The following CELF4 variants were observed in gnomAD, a reference collection of about 807,000 sequenced individuals.
CELF4 encodes the protein CUGBP Elav-like family member 4.
CELF4 carries 18 observed loss-of-function variants against 59.9 expected under a neutral mutation model. The ratio of observed to expected loss-of-function variants is 0.30; its 90% CI spans 0.21 to 0.45. CELF4 has a LOEUF of 0.45. CELF4 is among the 20% of genes least tolerant of loss of function. The pLI, the probability that CELF4 is intolerant of heterozygous loss-of-function variation, is 1.00. For missense variants in CELF4, 456 were observed against 689.0 expected (o/e 0.66, Z 3.79); for synonymous variants, 261 against 267.1 (o/e 0.98, Z 0.22).
intron 2 of CELF4, among the ~76,000 whole-genome samples, chr18:37,471,694 T>C (rs2099832575): frequency 6.6e-6 from 1 of 152,132 alleles, no homozygotes. Flanking sequence ...GGCATGTACA[T>C]CTTCTCTCCT....
chr18:37,430,194 G>A (rs1180762416), intron 2 of CELF4, among the ~76,000 whole-genome samples: 3 of 152,144 alleles, frequency 2.0e-5, no homozygotes, highest in Non-Finnish European at 4.4e-5. Context: ...CTCCTGCCCA[G>A]TCCCATGCCT....
intron 1 of CELF4, among the ~76,000 whole-genome samples, chr18:37,506,610 C>G (rs2099938336): frequency 6.6e-6 from 1 of 152,170 alleles, no homozygotes; most frequent in South Asian, 2.1e-4. Flanking sequence ...GGTGTCCTCT[C>G]TGAACTTGAG....
chr18:37,346,280 T>G (rs1427390108), intron 2 of CELF4, among the ~76,000 whole-genome samples: 4 of 152,116 alleles, frequency 2.6e-5, no homozygotes, highest in Non-Finnish European at 2.9e-5. Flanking sequence ...TGCATATCCC[T>G]TGGGAGGGGA....
At chr18:37,412,985 G>GA (rs2099487368) in intron 2 of CELF4, among the ~76,000 whole-genome samples, 1 of 152,100 alleles carries the variant, frequency 6.6e-6, no homozygotes, top group Non-Finnish European at 1.5e-5. Context: ...AGGCTGCGGG[G>GA]GCTGGGCAGA....
At chr18:37,263,102 G>A (rs1468468255) in intron 10 of CELF4, among the ~76,000 whole-genome samples, 1 of 152,120 alleles carries the variant, frequency 6.6e-6, no homozygotes, top group Non-Finnish European at 1.5e-5. Flanking sequence ...GAGTTTGGGG[G>A]CAGACTCAGC....
intron 2 of CELF4, among the ~76,000 whole-genome samples, chr18:37,380,786 T>C (rs1022244557): frequency 3.5e-5 from 5 of 141,044 alleles, no homozygotes; most frequent in African/African-American, 1.4e-4. Context: ...TATCCATTTC[T>C]CCATGAATCC....
intron 3 of CELF4, among the ~76,000 whole-genome samples, chr18:37,316,662 C>T (rs1050706754): frequency 1.3e-5 from 2 of 152,080 alleles, no homozygotes; most frequent in African/African-American, 4.8e-5. Flanking sequence ...CTAATTCCCA[C>T]CTCCTCCAGG....
intron 2 of CELF4, among the ~76,000 whole-genome samples, chr18:37,362,482 G>C (rs1174320976): frequency 1.3e-5 from 2 of 152,144 alleles, no homozygotes; most frequent in African/African-American, 4.8e-5. Context: ...AAAGCGGGAC[G>C]AGGACAGGGT....
At chr18:37,407,296 G>A (rs2099395962) in intron 2 of CELF4, among the ~76,000 whole-genome samples, 2 of 152,172 alleles carry the variant, frequency 1.3e-5, no homozygotes, top group African/African-American at 4.8e-5. Context: ...ATTTACTCCA[G>A]TTCCTGCCAA....
chr18:37,331,029 G>A (rs1365955631), intron 2 of CELF4, among the ~76,000 whole-genome samples: 1 of 152,102 alleles, frequency 6.6e-6, no homozygotes. Context: ...AATAAATTTG[G>A]TCTCTGCTCC....
rs545207218 is a variant in CELF4 at position 37,413,179 on chromosome 18, T to C, written c.369+72346A>G. Among the ~76,000 whole-genome samples, 5 of 152,344 alleles carry C rather than the reference T, an allele frequency of 3.3e-5. No individual in the cohort carries two copies. The South Asian group carries it at 1.0e-3, about 32-fold the overall frequency. On this transcript the variant is annotated intron_variant, in intron 2 of 12. Transcript: ENST00000420428. ...CTGGGAGCCAGCGATGTCTACATTT[T>C]TAATAACTTACTCAGAATGAAGGCT...
At chr18:37,363,190 G>A (rs1019234687) in intron 2 of CELF4, among the ~76,000 whole-genome samples, 1 of 152,260 alleles carries the variant, frequency 6.6e-6, no homozygotes, top group African/African-American at 2.4e-5. Context: ...GGGAGGGGAC[G>A]AGGGTGGGGG....
chr18:37,263,523 G>T (rs987484407), intron 10 of CELF4, among the ~76,000 whole-genome samples: 1 of 152,066 alleles, frequency 6.6e-6, no homozygotes, highest in Non-Finnish European at 1.5e-5. Context: ...GGGTAGAGAG[G>T]ATGGGACCTT....
At chr18:37,470,943 T>G (rs1342301504) in intron 2 of CELF4, among the ~76,000 whole-genome samples, 1 of 145,960 alleles carries the variant, frequency 6.9e-6, no homozygotes, top group African/African-American at 2.5e-5. Context: ...TCTTTACATT[T>G]ATTATAAATC....
chr18:37,561,226 G>C (rs1013573690), intron 1 of CELF4, among the ~76,000 whole-genome samples: 16 of 152,160 alleles, frequency 1.1e-4, no homozygotes, highest in African/African-American at 3.9e-4. Flanking sequence ...CCATGTAGCT[G>C]AGAAAATCTC....
chr18:37,350,400 G>A (rs1004225082), intron 2 of CELF4, among the ~76,000 whole-genome samples: 2 of 152,160 alleles, frequency 1.3e-5, no homozygotes, highest in Non-Finnish European at 2.9e-5. Context: ...CAGGACAACA[G>A]CTCACTCACC....
intron 2 of CELF4, among the ~76,000 whole-genome samples, chr18:37,464,893 G>T (rs995805231): frequency 3.9e-5 from 6 of 152,188 alleles, no homozygotes; most frequent in African/African-American, 1.4e-4. Flanking sequence ...GTTCTCCCGG[G>T]ATAACTACTT....
At chr18:37,266,479 G>C in intron 9 of CELF4, 54 bp downstream of exon 9, 1 of 1,503,202 alleles carries the variant, frequency 6.7e-7, no homozygotes, top group Non-Finnish European at 9.1e-7. Flanking sequence ...TGTCACAGGC[G>C]TGGAGAGATA....
At position 37,243,176 on chromosome 18, in the gene CELF4, TTC is replaced by T. The variant is rs2060826479; in HGVS notation, c.*2064_*2065del. 1 of 142,860 alleles carries T rather than the reference TTC, an allele frequency of 7.0e-6. No individual in the cohort carries two copies. Among genetic ancestry groups the T allele is most frequent in the Non-Finnish European group, 1.5e-5 (1 of 66,500 alleles). The allele number at this position is 142,860 out of a possible 1,614,324, so 8.8% of individuals were successfully genotyped here. A position where few individuals can be genotyped will look rare whatever the true frequency, so the allele number is the denominator to read the frequency against. The stretch of plus-strand genomic sequence containing the variant: ...GAACTGCAGCTGTTTTCTTTTTTTT[TTC>T]TTTTTTTCTTTTTTTTTTTTTTTTT... On this transcript the variant is annotated 3_prime_UTR_variant, in exon 13 of 13. Transcript: ENST00000420428.
Sources: gnomAD v4.1 joint callset for allele counts (sites outside exome capture counted in the v4.1 genomes callset) on GRCh38, gnomAD v4.1.1 for gene constraint, MANE v1.5 for transcripts, NCBI Gene and HGNC (gene_info 2026-07-23, HGNC 2026-07-21) for gene names.